Variants in CTNNA2 observed in about 807,000 individuals in gnomAD.
CTNNA2 encodes catenin alpha-2.
CTNNA2 carries 42 observed loss-of-function variants against 101.0 expected under a neutral mutation model. The ratio of observed to expected loss-of-function variants is 0.42; its 90% CI spans 0.32 to 0.54. The LOEUF (loss-of-function observed/expected upper bound fraction) is 0.54. CTNNA2 is among the 20% of genes least tolerant of loss of function. CTNNA2 has a pLI of 0.14. For missense variants in CTNNA2, 871 were observed against 1,223.1 expected (o/e 0.71, Z 4.29); for synonymous variants, 450 against 456.4 (o/e 0.99, Z 0.18).
intron 7 of CTNNA2, among the ~76,000 whole-genome samples, chr2:80,039,734 G>A (rs1238401455): frequency 6.6e-6 from 1 of 152,098 alleles, no homozygotes; most frequent in Non-Finnish European, 1.5e-5. Flanking sequence ...TTCTCTGCCA[G>A]GAAGATACAG....
intron 9 of CTNNA2, among the ~76,000 whole-genome samples, chr2:80,469,558 T>C (rs1005562592): frequency 2.0e-5 from 3 of 152,200 alleles, no homozygotes; most frequent in African/African-American, 7.2e-5. Flanking sequence ...TAGGTACTAG[T>C]AGCTTTCTTG....
Position 80,441,844 on chromosome 2 carries a change from G to A in CTNNA2, c.1290+22243G>A, listed in dbSNP as rs573904808. Among the ~76,000 whole-genome samples the A allele has an allele frequency of 7.7e-4, 118 of 152,312 alleles. 2 individuals are homozygous for A. In the South Asian group the frequency reaches 0.023, roughly 30 times the overall value. ...TTCTCGAAGGCCTGATTCAGAAGAG[G>A]CAAGAGGTGGGGAACTCAGTCAGTA... is the stretch of plus-strand genomic sequence containing the variant. On this transcript the variant is annotated intron_variant, in intron 9 of 18. Coordinates refer to ENST00000402739, the MANE Select transcript of CTNNA2 (RefSeq NM_001282597.3).
chr2:79,498,538 T>A (rs887801592), intron 4 of CTNNA2, among the ~76,000 whole-genome samples: 2 of 152,214 alleles, frequency 1.3e-5, no homozygotes, highest in African/African-American at 4.8e-5. Flanking sequence ...CTGTTTGCTG[T>A]CCATTCCTTT....
At chr2:80,098,868 G>T (rs540129182) in intron 7 of CTNNA2, among the ~76,000 whole-genome samples, 63 of 152,220 alleles carry the variant, frequency 4.1e-4, no homozygotes, top group African/African-American at 1.5e-3. Context: ...CGCAGTATTC[G>T]GGTGGAAGTA....
At chr2:80,615,552 C>A (rs200613479) in intron 17 of CTNNA2, among the ~76,000 whole-genome samples, 1 of 139,406 alleles carries the variant, frequency 7.2e-6, no homozygotes, top group Non-Finnish European at 1.6e-5. Flanking sequence ...TATTTTTTTT[C>A]CATTTAGTTT....
At chr2:79,725,524 A>G (rs556856020) in intron 2 of CTNNA2, among the ~76,000 whole-genome samples, 2 of 152,324 alleles carry the variant, frequency 1.3e-5, no homozygotes, top group African/African-American at 4.8e-5. Flanking sequence ...CTAACATTCA[A>G]ATCTTAATGA....
In CTNNA2 at chr2:79,603,129, G is replaced by A. The variant is rs75082423; in HGVS notation, c.-5-48423G>A. Among the ~76,000 whole-genome samples the A allele has an allele frequency of 1.3e-4, 20 of 152,134 alleles. 1 individual carries two copies. The East Asian group carries it at 3.5e-3, about 26-fold the overall frequency. ...GATAAATGAACCCACATATAAATGAGTGCATCACATGCATGGGAAAAAAAA... is the reference window on the plus strand; with the variant it reads ...GATAAATGAACCCACATATAAATGAATGCATCACATGCATGGGAAAAAAAA... On this transcript the variant is annotated intron_variant, in intron 1 of 18. Coordinates refer to ENST00000402739, the MANE Select transcript of CTNNA2 (RefSeq NM_001282597.3).
chr2:79,819,476 G>A (rs1266992616), intron 3 of CTNNA2, among the ~76,000 whole-genome samples: 1 of 152,146 alleles, frequency 6.6e-6, no homozygotes, highest in East Asian at 1.9e-4. Flanking sequence ...GGGGATGATA[G>A]GCACTTGCAG....
At chr2:80,164,939 G>T (rs375107788) in intron 7 of CTNNA2, among the ~76,000 whole-genome samples, 6,798 of 98,906 alleles carry the variant, frequency 0.069, 191 homozygotes, top group African/African-American at 0.083. Context: ...CCAACTTTTG[G>T]TTTTTTTTTT....
intron 1 of CTNNA2, among the ~76,000 whole-genome samples, chr2:79,628,918 T>C (rs1026178063): frequency 6.6e-6 from 1 of 152,216 alleles, no homozygotes; most frequent in African/African-American, 2.4e-5. Context: ...AACTCTGCCT[T>C]TGGAGTGGCA....
At chr2:79,686,425 C>T (rs141042327) in intron 2 of CTNNA2, among the ~76,000 whole-genome samples, 15 of 152,238 alleles carry the variant, frequency 9.9e-5, no homozygotes, top group African/African-American at 3.4e-4. Flanking sequence ...TTACAATACA[C>T]CTTAATGTGG....
chr2:80,272,553 CAG>C (rs1440629311), intron 7 of CTNNA2, among the ~76,000 whole-genome samples: 2 of 152,140 alleles, frequency 1.3e-5, no homozygotes, highest in Non-Finnish European at 2.9e-5. Context: ...AAGAGGGAAA[CAG>C]GGAAAACTAC....
At chr2:80,110,764 G>A (rs1701167791) in intron 7 of CTNNA2, among the ~76,000 whole-genome samples, 1 of 152,166 alleles carries the variant, frequency 6.6e-6, no homozygotes, top group Non-Finnish European at 1.5e-5. Context: ...TAGCATGGAA[G>A]GTTGATTGGA....
intron 18 of CTNNA2, among the ~76,000 whole-genome samples, 197 bp from the exon 19 acceptor site, chr2:80,647,388 C>A (rs1674223945): frequency 6.6e-6 from 1 of 151,948 alleles, no homozygotes; most frequent in Admixed American, 6.6e-5. Context: ...CTTGGAATTC[C>A]TACCTGCTAA....
At chr2:79,891,917 C>T (rs1684333116) in intron 6 of CTNNA2, among the ~76,000 whole-genome samples, 1 of 151,796 alleles carries the variant, frequency 6.6e-6, no homozygotes, top group African/African-American at 2.4e-5. Flanking sequence ...AAACTTTTTT[C>T]CATGAATATT....
chr2:79,644,850 C>T (rs1012896707), intron 1 of CTNNA2, among the ~76,000 whole-genome samples: 1 of 152,330 alleles, frequency 6.6e-6, no homozygotes, highest in South Asian at 2.1e-4. Context: ...GTCCTTACCT[C>T]TATTGCCTCC....
chr2:80,570,478 AG>A (rs1403101942), intron 12 of CTNNA2, among the ~76,000 whole-genome samples: 2 of 152,234 alleles, frequency 1.3e-5, no homozygotes, highest in Non-Finnish European at 2.9e-5. Context: ...AACTGTGCTT[AG>A]GATTGGTCTC....
At chr2:79,776,796 A>T (rs1558919913) in intron 3 of CTNNA2, among the ~76,000 whole-genome samples, 1 of 152,218 alleles carries the variant, frequency 6.6e-6, no homozygotes, top group African/African-American at 2.4e-5. Context: ...GTATTAGCTT[A>T]ATCTCTAACC....
chr2:79,357,713 A>G (rs1298422851), intron 3 of CTNNA2, among the ~76,000 whole-genome samples: 3 of 152,202 alleles, frequency 2.0e-5, no homozygotes, highest in African/African-American at 7.2e-5. Context: ...AGATGAAAGA[A>G]TAATCTTAAA....
Sources: gnomAD v4.1 joint callset for allele counts (sites outside exome capture counted in the v4.1 genomes callset) on GRCh38, gnomAD v4.1.1 for gene constraint, MANE v1.5 for transcripts, NCBI Gene and HGNC (gene_info 2026-07-23, HGNC 2026-07-21) for gene names.